The following LEF1 variants were observed in gnomAD, a reference collection of about 807,000 sequenced individuals.
LEF1 encodes lymphoid enhancer-binding factor 1.
Under a neutral mutation model 51.2 loss-of-function variants are expected in LEF1, and 14 were observed. The ratio of observed to expected loss-of-function variants is 0.27; its 90% CI spans 0.18 to 0.43. LEF1 has a LOEUF of 0.43. LEF1 is among the 20% of genes least tolerant of loss of function. The pLI, the probability that LEF1 is intolerant of heterozygous loss-of-function variation, is 1.00. For missense variants in LEF1, 386 were observed against 512.0 expected (o/e 0.75, Z 2.37); for synonymous variants, 185 against 183.2 (o/e 1.01, Z -0.08).
chr4:108,137,434 G>T (rs1035664469), intron 3 of LEF1, among the ~76,000 whole-genome samples: 4 of 152,138 alleles, frequency 2.6e-5, no homozygotes, highest in Non-Finnish European at 5.9e-5. Flanking sequence ...ACATCATAAA[G>T]CTATCTTCAT....
intron 8 of LEF1, among the ~76,000 whole-genome samples, chr4:108,074,222 TTCTCTA>T (rs1180038085): frequency 1.3e-5 from 2 of 152,230 alleles, no homozygotes; most frequent in Admixed American, 6.5e-5. Flanking sequence ...CTAAAAATGC[TTCTCTA>T]TCTCTATTTA....
rs55839332 is a variant in LEF1 at position 108,115,846 on chromosome 4, T to TACACACACACACACACACACACACACAC, written c.415-26617_415-26590dup. Among the ~76,000 whole-genome samples the TACACACACACACACACACACACACACAC allele has an allele frequency of 4.2e-4, 58 of 139,372 alleles. 1 individual carries two copies. Among genetic ancestry groups the TACACACACACACACACACACACACACAC allele is most frequent in the African/African-American group, 1.2e-3 (44 of 36,770 alleles). 91.4% of individuals were successfully genotyped at this position (139,372 alleles called of 152,430 possible). ...AAAGGTCTGCCTATAATGTAACACA[T>TACACACACACACACACACACACACACAC]ACACACACACACACACACACACACA... On this transcript the variant is annotated intron_variant, in intron 3 of 11. Coordinates refer to ENST00000265165, the MANE Select transcript of LEF1 (RefSeq NM_016269.5).
In LEF1 at chr4:108,119,668, TACAAAAAGAAACACA is replaced by T. The variant is rs539354228; in HGVS notation, c.415-30426_415-30412del. On this transcript the variant is annotated intron_variant, in intron 3 of 11. Coordinates refer to ENST00000265165, the MANE Select transcript of LEF1 (RefSeq NM_016269.5). ...TCTGCCCCATCACGATAGCCTTCATTACAAAAAGAAACACATATGTACCTGTGCATTTGGTAGCCT... is the reference window on the plus strand; with the variant it reads ...TCTGCCCCATCACGATAGCCTTCATTTATGTACCTGTGCATTTGGTAGCCT... Among the ~76,000 whole-genome samples, 225 of 152,270 alleles carry T rather than the reference TACAAAAAGAAACACA, an allele frequency of 1.5e-3. 1 individual carries two copies. The highest frequency in any genetic ancestry group is 5.0e-3 in the African/African-American group (207 of 41,566).
chr4:108,097,960 C>CCGGAGG (rs756978739), intron 3 of LEF1, among the ~76,000 whole-genome samples: 6 of 152,082 alleles, frequency 3.9e-5, no homozygotes, highest in Non-Finnish European at 8.8e-5. Context: ...AGAGCTCAGA[C>CCGGAGG]CGGAGGCGAC....
chr4:108,055,254 G>A (rs1242658433), intron 11 of LEF1, among the ~76,000 whole-genome samples: 1 of 152,094 alleles, frequency 6.6e-6, no homozygotes, highest in African/African-American at 2.4e-5. Context: ...AAACAGCAAA[G>A]GAAGCCACAA....
Position 108,167,871 on chromosome 4 carries a change from G to T in LEF1, c.-104C>A. 9.7e-7 allele frequency: 1 copy of T among 1,030,566 alleles called. No individual in the cohort carries two copies. The highest frequency in any genetic ancestry group is 1.4e-6 in the Non-Finnish European group (1 of 700,868). The allele number at this position is 1,030,566 out of a possible 1,614,324, so 63.8% of individuals were successfully genotyped here. A position where few individuals can be genotyped will look rare whatever the true frequency, so the allele number is the denominator to read the frequency against. ...TGGGGGAGGAAAGGAGAGTTGGAAG[G>T]GTTCGTGCAGCAGGACAGCGGGCGG... On this transcript the variant is annotated 5_prime_UTR_variant, in exon 1 of 12. Coordinates refer to ENST00000265165, the MANE Select transcript of LEF1 (RefSeq NM_016269.5). The surrounding 1 kb of genome is among the most constrained non-coding windows in gnomAD (Gnocchi z 5.7).
chr4:108,161,757 T>C (rs1395790366), intron 3 of LEF1, among the ~76,000 whole-genome samples: 2 of 152,194 alleles, frequency 1.3e-5, no homozygotes, highest in Admixed American at 1.3e-4. Flanking sequence ...GTAGCTGATC[T>C]TTTTAAGAAA....
At chr4:108,068,705 T>C (rs912048016) in intron 9 of LEF1, among the ~76,000 whole-genome samples, 2 of 152,216 alleles carry the variant, frequency 1.3e-5, no homozygotes, top group Non-Finnish European at 2.9e-5. Flanking sequence ...GAGCATATTA[T>C]AGGAAATAAA....
At chr4:108,095,726 C>T (rs540691123) in intron 3 of LEF1, among the ~76,000 whole-genome samples, 11 of 152,290 alleles carry the variant, frequency 7.2e-5, no homozygotes, top group South Asian at 6.2e-4. Context: ...CCAAACATTA[C>T]GTCATTTAAT....
At chr4:108,072,150 A>T (rs1018689435) in intron 8 of LEF1, 2 of 151,978 alleles carry the variant, frequency 1.3e-5, no homozygotes, top group African/African-American at 4.8e-5. Context: ...ATTAATTTTG[A>T]TCTCCCTGTT....
intron 3 of LEF1, among the ~76,000 whole-genome samples, chr4:108,108,870 T>C (rs1741344780): frequency 2.0e-5 from 3 of 152,212 alleles, no homozygotes; most frequent in African/African-American, 7.2e-5. Context: ...ATTAAAAAGA[T>C]CTGGACTGAA....
At chr4:108,073,888 C>T (rs188267170) in intron 8 of LEF1, among the ~76,000 whole-genome samples, 3,496 of 149,964 alleles carry the variant, frequency 0.023, 61 homozygotes, top group Non-Finnish European at 0.034. Context: ...TGCAGTGGCG[C>T]GATCTCGGCT....
In LEF1 at chr4:108,094,269, G is replaced by A. The variant is rs187812387; in HGVS notation, c.415-5012C>T. On this transcript the variant is annotated intron_variant, in intron 3 of 11. Coordinates refer to ENST00000265165, the MANE Select transcript of LEF1 (RefSeq NM_016269.5). ...CCTCAGCAGAAGTGGGTAAAGCTAC[G>A]GAGACTCAACTGCAGCCTTTCTCTC... 1.1e-4 allele frequency among the ~76,000 whole-genome samples: 17 copies of A among 152,284 alleles called. 2 individuals carry two copies. In the South Asian group the frequency reaches 2.1e-3, roughly 19 times the overall value.
In LEF1 at chr4:108,072,896, C is replaced by T. The variant is rs892924544; in HGVS notation, c.1009-2126G>A. 5.3e-5 allele frequency: 8 copies of T among 151,412 alleles called. No individual in the cohort carries two copies. The East Asian group carries it at 7.7e-4, about 15-fold the overall frequency. The allele number at this position is 151,412 out of a possible 1,614,324, so 9.4% of individuals were successfully genotyped here. A position where few individuals can be genotyped will look rare whatever the true frequency, so the allele number is the denominator to read the frequency against. On this transcript the variant is annotated intron_variant, in intron 8 of 11. Transcript: ENST00000265165. ...AACTGGATACAAAAGGAAACATCATCGTTTTTTGTTGTTGTTGTTGTTGTT... is the reference window on the plus strand; with the variant it reads ...AACTGGATACAAAAGGAAACATCATTGTTTTTTGTTGTTGTTGTTGTTGTT...
chr4:108,079,541 G>A lies in LEF1; in HGVS notation c.796C>T (p.Pro266Ser). 1 of 1,614,070 alleles carries A rather than the reference G, an allele frequency of 6.2e-7. No homozygotes were observed. Among genetic ancestry groups the A allele is most frequent in the Non-Finnish European group, 8.5e-7 (1 of 1,179,942 alleles). The change falls in exon 7 of 12, where the codon CCT (proline) becomes TCT (serine). Residue 266 changes from proline (P) to serine (S), a missense_variant. Around this residue, in one of 2 missense-constraint regions of LEF1, gnomAD observed 335 missense variants for 390.7 expected, o/e 0.86. Coordinates refer to ENST00000265165, the MANE Select transcript of LEF1 (RefSeq NM_016269.5). ...TGIPHPAIVT[P>S]QVKQEHPHTD... ...TGGGGATGTTCCTGTTTGACCTGAG[G>A]TGTTACAATAGCTGGATGAGGGATG...
intron 3 of LEF1, among the ~76,000 whole-genome samples, chr4:108,113,343 G>T (rs978584661): frequency 6.6e-6 from 1 of 152,168 alleles, no homozygotes; most frequent in Non-Finnish European, 1.5e-5. Context: ...AGTTTGGGTG[G>T]GGGAAGTGCA....
chr4:108,058,128 C>T (rs1463918763), intron 11 of LEF1, among the ~76,000 whole-genome samples: 4 of 152,270 alleles, frequency 2.6e-5, no homozygotes, highest in Middle Eastern at 3.4e-3. Context: ...CCCACCTCTG[C>T]CTCCCAAAGT....
intron 7 of LEF1, 132 bp downstream of exon 7, chr4:108,079,360 G>A (rs1351958405): frequency 6.8e-6 from 7 of 1,027,592 alleles, no homozygotes; most frequent in Middle Eastern, 2.7e-4. Flanking sequence ...CAGGGACAGA[G>A]TTTTCAAGGC....
intron 9 of LEF1, among the ~76,000 whole-genome samples, chr4:108,068,574 A>C (rs1738245264): frequency 6.6e-6 from 1 of 152,226 alleles, no homozygotes; most frequent in Non-Finnish European, 1.5e-5. Context: ...CAACCAAAAT[A>C]ACTCAGAAGA....
Sources: gnomAD v4.1 joint callset for allele counts (sites outside exome capture counted in the v4.1 genomes callset) on GRCh38, gnomAD v4.1.1 for gene constraint, gnomAD v4.1.1 regional missense constraint, Gnocchi (gnomAD v3.1) non-coding constraint, MANE v1.5 for transcripts, NCBI Gene and HGNC (gene_info 2026-07-23, HGNC 2026-07-21) for gene names.